Variants in DGKB observed in about 807,000 individuals in gnomAD.
The protein encoded by DGKB is 90 kDa diacylglycerol kinase.
Under a neutral mutation model 114.3 loss-of-function variants are expected in DGKB, and 67 were observed. That is an observed-to-expected ratio of 0.59 (90% confidence interval 0.48 to 0.72). The LOEUF is 0.72. Among genes scored for constraint, DGKB ranks in the 30% least tolerant of loss-of-function variants. The probability of loss-of-function intolerance (pLI) is 0.00; values close to 1 mark genes in which losing one functional copy is unlikely to be tolerated. For missense variants in DGKB, 907 were observed against 975.2 expected (o/e 0.93, Z 0.93); for synonymous variants, 398 against 323.1 (o/e 1.23, Z -2.49).
intron 2 of DGKB, among the ~76,000 whole-genome samples, chr7:14,794,146 G>A (rs577740444): frequency 2.0e-5 from 3 of 152,182 alleles, no homozygotes; most frequent in South Asian, 4.1e-4. Context: ...CAATAAATCT[G>A]TTCTGTTTCT....
chr7:14,407,613 G>A (rs777058063), intron 21 of DGKB, among the ~76,000 whole-genome samples: 11 of 152,130 alleles, frequency 7.2e-5, no homozygotes, highest in South Asian at 4.1e-4. Context: ...CTAAAATTTC[G>A]TTGGCCAAAA....
chr7:14,480,877 A>G (rs1483848939), intron 20 of DGKB, among the ~76,000 whole-genome samples: 1 of 152,104 alleles, frequency 6.6e-6, no homozygotes, highest in African/African-American at 2.4e-5. Context: ...ATTTTCATAC[A>G]TCTTATATAC....
chr7:14,902,411 G>C (rs1422966916), intron 1 of DGKB, among the ~76,000 whole-genome samples, 181 bp downstream of exon 1: 1 of 152,190 alleles, frequency 6.6e-6, no homozygotes, highest in Non-Finnish European at 1.5e-5. Context: ...GCAAATCACA[G>C]AGCACCCCTA....
At chr7:14,930,662 T>C (rs781267290) in intron 1 of DGKB, among the ~76,000 whole-genome samples, 12 of 152,212 alleles carry the variant, frequency 7.9e-5, no homozygotes, top group Non-Finnish European at 1.5e-4. Flanking sequence ...CAGGGATAGG[T>C]TCTCTTCCTC....
intron 23 of DGKB, among the ~76,000 whole-genome samples, chr7:14,233,983 T>C (rs1292002513): frequency 2.0e-5 from 3 of 152,026 alleles, no homozygotes; most frequent in African/African-American, 7.2e-5. Context: ...GCACCTGTTT[T>C]AGATTCAACA....
At chr7:14,270,048 CAAAAAAAAAAA>C (rs397889901) in intron 23 of DGKB, among the ~76,000 whole-genome samples, 9 of 52,844 alleles carry the variant, frequency 1.7e-4, no homozygotes, top group Middle Eastern at 0.021. Flanking sequence ...GCTTTTTTTG[CAAAAAAAAAAA>C]AAAAAAAAAA....
intron 6 of DGKB, among the ~76,000 whole-genome samples, chr7:14,708,858 A>G (rs1029281336): frequency 2.0e-5 from 3 of 150,240 alleles, no homozygotes; most frequent in Non-Finnish European, 4.4e-5. Flanking sequence ...AAACCATAAA[A>G]ACCCTAAAAG....
At chr7:14,482,334 G>T (rs1321647839) in intron 20 of DGKB, among the ~76,000 whole-genome samples, 1 of 151,810 alleles carries the variant, frequency 6.6e-6, no homozygotes, top group Non-Finnish European at 1.5e-5. Context: ...TAAATAAATT[G>T]CATAATCTTT....
intron 13 of DGKB, among the ~76,000 whole-genome samples, chr7:14,640,869 C>A (rs911690560): frequency 3.9e-5 from 6 of 152,020 alleles, no homozygotes; most frequent in African/African-American, 1.5e-4. Context: ...GGAATTTATC[C>A]CTTAATGTCT....
chr7:14,148,977 G>A lies in DGKB; in HGVS notation c.*154C>T, dbSNP rs573565222. 11 of 653,930 alleles carry A rather than the reference G, an allele frequency of 1.7e-5. No homozygotes were observed. The African/African-American group carries it at 1.9e-4, about 11-fold the overall frequency. The allele number at this position is 653,930 out of a possible 1,614,324, so 40.5% of individuals were successfully genotyped here. ...AACTGAGACAATAAATTTTCTAATA[G>A]CTGAATTTTACATTAGCTTAGTAAC... On this transcript the variant is annotated 3_prime_UTR_variant, in exon 26 of 26. Coordinates refer to ENST00000402815, the MANE Select transcript of DGKB (RefSeq NM_001350709.2).
intron 21 of DGKB, among the ~76,000 whole-genome samples, chr7:14,458,829 C>T (rs77843113): frequency 0.02 from 3,089 of 152,178 alleles, 91 homozygotes; most frequent in African/African-American, 0.07. Flanking sequence ...ACCCTGGTGG[C>T]GCCTGGAATA....
chr7:14,830,248 G>C (rs1349364486), intron 2 of DGKB, among the ~76,000 whole-genome samples: 1 of 152,000 alleles, frequency 6.6e-6, no homozygotes, highest in Non-Finnish European at 1.5e-5. Context: ...CATATCCTAT[G>C]AATAATCAGA....
intron 1 of DGKB, among the ~76,000 whole-genome samples, chr7:14,955,458 C>T (rs1786448464): frequency 6.6e-6 from 1 of 151,976 alleles, no homozygotes; most frequent in Non-Finnish European, 1.5e-5. Flanking sequence ...GTCCTCAGAG[C>T]TATTTATATT....
chr7:14,517,710 G>C (rs1166762466), intron 20 of DGKB, among the ~76,000 whole-genome samples: 1 of 151,880 alleles, frequency 6.6e-6, no homozygotes, highest in Non-Finnish European at 1.5e-5. Flanking sequence ...TATAAAAAAG[G>C]CCCAAAATCA....
intron 23 of DGKB, among the ~76,000 whole-genome samples, chr7:14,296,357 G>T (rs1329917667): frequency 6.6e-6 from 1 of 152,072 alleles, no homozygotes; most frequent in African/African-American, 2.4e-5. Context: ...TGGCTGCATA[G>T]TATTCCATGG....
chr7:14,810,102 T>C (rs915083507), intron 2 of DGKB, among the ~76,000 whole-genome samples: 10 of 152,198 alleles, frequency 6.6e-5, no homozygotes, highest in South Asian at 2.1e-4. Flanking sequence ...CTTGAAAGAA[T>C]TCGTGCACGT....
intron 23 of DGKB, among the ~76,000 whole-genome samples, chr7:14,235,358 A>C (rs904814504): frequency 3.9e-5 from 6 of 152,104 alleles, no homozygotes; most frequent in Non-Finnish European, 7.4e-5. Context: ...TGCCATTTCT[A>C]TTATAATTAT....
At chr7:14,825,835 A>G (rs1239524835) in intron 2 of DGKB, among the ~76,000 whole-genome samples, 1 of 152,198 alleles carries the variant, frequency 6.6e-6, no homozygotes, top group East Asian at 1.9e-4. Context: ...TATGCAAAAC[A>G]AAACTACAAG....
At chr7:14,209,604 TAAG>T in intron 23 of DGKB, 1 of 452,852 alleles carries the variant, frequency 2.2e-6, no homozygotes. Context: ...ATCTGCCCCT[TAAG>T]AGGTAAGCTT....
Sources: gnomAD v4.1 joint callset for allele counts (sites outside exome capture counted in the v4.1 genomes callset) on GRCh38, gnomAD v4.1.1 for gene constraint, MANE v1.5 for transcripts, NCBI Gene and HGNC (gene_info 2026-07-23, HGNC 2026-07-21) for gene names.